The following MRPL1 variants were observed in gnomAD, a reference collection of about 807,000 sequenced individuals.
MRPL1 encodes the protein mitochondrial ribosomal protein L1.
MRPL1 carries 28 observed loss-of-function variants against 38.0 expected under a neutral mutation model. That is an observed-to-expected ratio of 0.74 (90% CI 0.55 to 1.01). MRPL1 has a LOEUF of 1.01. Ranked by LOEUF, MRPL1 falls within the 50% of genes least tolerant of loss-of-function variation. The pLI, the probability that MRPL1 is intolerant of heterozygous loss-of-function variation, is 0.00. For synonymous variants in MRPL1, 123 were observed against 126.7 expected (o/e 0.97, Z 0.20); for missense variants, 358 against 389.8 (o/e 0.92, Z 0.69).
chr4:77,898,834 A>AT (rs1405928007), intron 6 of MRPL1, among the ~76,000 whole-genome samples: 1 of 151,694 alleles, frequency 6.6e-6, no homozygotes, highest in Non-Finnish European at 1.5e-5. Context: ...TATCAGAATA[A>AT]TTGTATTTAT....
intron 7 of MRPL1, among the ~76,000 whole-genome samples, chr4:77,928,784 CA>C (rs1351560859): frequency 6.6e-6 from 1 of 151,974 alleles, no homozygotes; most frequent in East Asian, 1.9e-4. Context: ...TATTTTTGAT[CA>C]AAAACTATTT....
At chr4:77,884,528 A>C (rs1312096889) in intron 3 of MRPL1, among the ~76,000 whole-genome samples, 1 of 152,148 alleles carries the variant, frequency 6.6e-6, no homozygotes, top group East Asian at 1.9e-4. Context: ...TAAAATCTCC[A>C]CCTGTATTAG....
rs745862035 is a variant in MRPL1 at position 77,871,840 on chromosome 4, TTGC to T, written c.136_138del (p.Ala46del). 1 of 1,591,714 alleles carries T rather than the reference TTGC, an allele frequency of 6.3e-7. No individual in the cohort carries two copies. Among genetic ancestry groups the T allele is most frequent in the East Asian group, 2.3e-5 (1 of 44,322 alleles). ...AACATCCGAGTGCCCAACAGACATT[TTGC>T]TGCTGCTACAAAGTAAGTATTTTTT... On this transcript the variant is annotated inframe_deletion, in exon 2 of 9. Coordinates refer to ENST00000315567, the MANE Select transcript of MRPL1 (RefSeq NM_020236.4).
intron 7 of MRPL1, among the ~76,000 whole-genome samples, chr4:77,936,795 T>C (rs889540063): frequency 6.6e-6 from 1 of 152,144 alleles, no homozygotes; most frequent in Non-Finnish European, 1.5e-5. Flanking sequence ...GAATGCATTC[T>C]GTGTCTATGT....
In MRPL1 at chr4:77,937,276, CA is replaced by C. The variant is rs1428525047; in HGVS notation, c.778-12517del. 4.6e-5 allele frequency among the ~76,000 whole-genome samples: 7 copies of C among 152,242 alleles called. No individual in the cohort carries two copies. In the East Asian group the frequency reaches 1.4e-3, roughly 29 times the overall value. On this transcript the variant is annotated intron_variant, in intron 7 of 8. Transcript: ENST00000315567. Reference sequence around the variant, plus strand: ...TAGTTCCAGTGCCTGTGTTCCAGTTCAAAACTCTAATCTCATATCCAAAGAT... The same window carrying C: ...TAGTTCCAGTGCCTGTGTTCCAGTTCAAACTCTAATCTCATATCCAAAGAT...
chr4:77,950,798 A>G (rs1455020274), intron 8 of MRPL1, among the ~76,000 whole-genome samples: 2 of 152,136 alleles, frequency 1.3e-5, no homozygotes, highest in Admixed American at 1.3e-4. Context: ...AATCCTCAAA[A>G]TGTTGTTATT....
chr4:77,865,109 C>T (rs983890166), intron 1 of MRPL1, among the ~76,000 whole-genome samples: 11 of 151,812 alleles, frequency 7.2e-5, no homozygotes, highest in African/African-American at 1.7e-4. Context: ...AGGCTGGTCT[C>T]GAACTCCTGA....
chr4:77,896,561 T>A (rs913028543), intron 6 of MRPL1, among the ~76,000 whole-genome samples: 1 of 152,218 alleles, frequency 6.6e-6, no homozygotes, highest in African/African-American at 2.4e-5. Context: ...TTATGCATTT[T>A]CAAAGCTCAT....
intron 6 of MRPL1, among the ~76,000 whole-genome samples, chr4:77,903,870 TC>T (rs1409812025): frequency 2.0e-5 from 3 of 151,186 alleles, no homozygotes; most frequent in Admixed American, 2.0e-4. Flanking sequence ...CCAACCAAAC[TC>T]CCAGAAAGCT....
intron 6 of MRPL1, among the ~76,000 whole-genome samples, chr4:77,895,150 A>T (rs1003943457): frequency 6.6e-6 from 1 of 152,134 alleles, no homozygotes; most frequent in Non-Finnish European, 1.5e-5. Context: ...GAAGTTTTTG[A>T]GATGGGAGTG....
At chr4:77,915,621 C>G (rs1338265349) in intron 7 of MRPL1, among the ~76,000 whole-genome samples, 1 of 152,058 alleles carries the variant, frequency 6.6e-6, no homozygotes, top group African/African-American at 2.4e-5. Context: ...GCCATGTTGC[C>G]TAGGCTGGTC....
At chr4:77,951,431 G>T (rs776767110) in intron 8 of MRPL1, among the ~76,000 whole-genome samples, 1 of 152,188 alleles carries the variant, frequency 6.6e-6, no homozygotes, top group Non-Finnish European at 1.5e-5. Context: ...TAGTTTGAAG[G>T]ATAAATCTCT....
chr4:77,879,785 G>A (rs1735494793), intron 2 of MRPL1, among the ~76,000 whole-genome samples: 1 of 152,192 alleles, frequency 6.6e-6, no homozygotes, highest in African/African-American at 2.4e-5. Context: ...CACGGTAGCT[G>A]TTGAGATGTG....
intron 3 of MRPL1, among the ~76,000 whole-genome samples, chr4:77,884,163 A>G (rs993800303): frequency 1.3e-5 from 2 of 151,052 alleles, no homozygotes; most frequent in Admixed American, 1.3e-4. Flanking sequence ...AGGGCTCTGG[A>G]TTAGCTCAGT....
chr4:77,901,311 T>A (rs1488175167), intron 6 of MRPL1, among the ~76,000 whole-genome samples: 1 of 152,006 alleles, frequency 6.6e-6, no homozygotes, highest in Non-Finnish European at 1.5e-5. Context: ...TATGCTAAAA[T>A]TTTTTTATTT....
At chr4:77,927,189 A>G (rs922068980) in intron 7 of MRPL1, among the ~76,000 whole-genome samples, 19 of 152,318 alleles carry the variant, frequency 1.2e-4, no homozygotes, top group African/African-American at 4.3e-4. Context: ...TTTTTCAATG[A>G]CATGCAACCT....
chr4:77,947,549 G>T (rs999247846), intron 7 of MRPL1, among the ~76,000 whole-genome samples: 2 of 152,086 alleles, frequency 1.3e-5, no homozygotes, highest in Non-Finnish European at 2.9e-5. Flanking sequence ...TCCTGCCTCC[G>T]TAAGACCACA....
At chr4:77,864,480 G>A (rs926451619) in intron 1 of MRPL1, 1 of 151,660 alleles carries the variant, frequency 6.6e-6, no homozygotes, top group Non-Finnish European at 1.5e-5. Context: ...TTTTTTAATT[G>A]TTTACTTATC....
intron 6 of MRPL1, among the ~76,000 whole-genome samples, chr4:77,906,280 T>A (rs1736156636): frequency 6.6e-6 from 1 of 151,986 alleles, no homozygotes; most frequent in African/African-American, 2.4e-5. Context: ...AGAGGAACAC[T>A]GAGAAGTGAC....
Sources: allele counts gnomAD v4.1 joint callset (sites outside exome capture counted in the v4.1 genomes callset), GRCh38; gene constraint gnomAD v4.1.1; transcripts MANE v1.5; gene names NCBI Gene and HGNC (gene_info 2026-07-23, HGNC 2026-07-21).